TMEM266: variants seen among roughly 807,000 people sequenced by gnomAD.
The protein encoded by TMEM266 is transmembrane protein 266.
Under a neutral mutation model 50.5 loss-of-function variants are expected in TMEM266, and 33 were observed. The ratio of observed to expected loss-of-function variants is 0.65; its 90% CI spans 0.50 to 0.87. TMEM266 has a LOEUF of 0.87. Ranked by LOEUF, TMEM266 falls within the 40% of genes least tolerant of loss-of-function variation. The pLI is 0.00. For synonymous variants in TMEM266, 310 were observed against 292.3 expected (o/e 1.06, Z -0.62); for missense variants, 655 against 695.1 (o/e 0.94, Z 0.65).
chr15:76,203,752 C>T lies in TMEM266; in HGVS notation c.1033C>T (p.Pro345Ser). 6.2e-7 allele frequency: 1 copy of T among 1,612,724 alleles called. No individual in the cohort carries two copies. Among genetic ancestry groups the T allele is most frequent in the East Asian group, 2.2e-5 (1 of 44,852 alleles). The change falls in exon 11 of 11, where the codon CCA (proline) becomes TCA (serine). Residue 345 changes from proline (P) to serine (S), a missense_variant. By Grantham distance (74) the Pro-to-Ser change is moderately conservative (BLOSUM62 -1). Transcript: ENST00000388942. ...CTCCTACCTTGCAGACAGCGGTGTC[C>T]CAGAGCCAGCTGTGTGTATGGTCAC...
intron 1 of TMEM266, among the ~76,000 whole-genome samples, chr15:76,098,898 G>C (rs895169060): frequency 6.6e-5 from 10 of 152,140 alleles, no homozygotes; most frequent in Non-Finnish European, 1.3e-4. Context: ...GCCTACTCAA[G>C]CCTTAGCAAT....
chr15:76,104,146 A>G (rs529617919), intron 1 of TMEM266, among the ~76,000 whole-genome samples: 1 of 151,752 alleles, frequency 6.6e-6, no homozygotes, highest in South Asian at 2.1e-4. Context: ...GGCAGAGCTT[A>G]CAGTGAGCCG....
chr15:76,068,992 T>C (rs2141982534), intron 1 of TMEM266, among the ~76,000 whole-genome samples: 1 of 152,324 alleles, frequency 6.6e-6, no homozygotes, highest in African/African-American at 2.4e-5. Context: ...TCTCCCGTCA[T>C]ATGGTCATCT....
rs565196551 is a variant in TMEM266, at chr15:76,120,237, G to T, written c.-96-13931G>T. On this transcript the variant is annotated intron_variant, in intron 1 of 10. Transcript: ENST00000388942. ...AAAAAAAAAAATCTAAAAAGAAACC[G>T]TATCAATGGGGCAATTTTTAACTAA... Among the ~76,000 whole-genome samples, 3 of 151,152 alleles carry T rather than the reference G, an allele frequency of 2.0e-5. No individual in the cohort carries two copies. The East Asian group carries it at 5.8e-4, about 29-fold the overall frequency.
At chr15:76,078,510 A>C (rs1180743038) in intron 1 of TMEM266, among the ~76,000 whole-genome samples, 1 of 152,200 alleles carries the variant, frequency 6.6e-6, no homozygotes, top group Non-Finnish European at 1.5e-5. Flanking sequence ...TAAATTTGCC[A>C]AGCTAAAGCC....
At chr15:76,149,057 C>T (rs1596135384) in intron 3 of TMEM266, among the ~76,000 whole-genome samples, 1 of 152,142 alleles carries the variant, frequency 6.6e-6, no homozygotes, top group East Asian at 1.9e-4. Context: ...CTGTGGCTTG[C>T]CCCCTGGAAT....
At chr15:76,137,686 T>G in intron 2 of TMEM266, 21 bp from the exon 3 acceptor site, 1 of 1,611,878 alleles carries the variant, frequency 6.2e-7, no homozygotes, top group Non-Finnish European at 8.5e-7. Context: ...TCTTTCCCAT[T>G]GTTCCTCCTC....
intron 6 of TMEM266, among the ~76,000 whole-genome samples, chr15:76,170,389 T>C (rs776682525): frequency 6.6e-6 from 1 of 152,202 alleles, no homozygotes; most frequent in African/African-American, 2.4e-5. Context: ...TCAGCCTCTT[T>C]GGCTCAGTGC....
At chr15:76,182,977 C>A (rs578017504) in intron 8 of TMEM266, among the ~76,000 whole-genome samples, 2 of 152,170 alleles carry the variant, frequency 1.3e-5, no homozygotes, top group Admixed American at 1.3e-4. Flanking sequence ...AAATCTGAGT[C>A]CTGACACAGG....
At chr15:76,112,854 A>C (rs2037192584) in intron 1 of TMEM266, 1 of 152,170 alleles carries the variant, frequency 6.6e-6, no homozygotes. Context: ...AACCACTATA[A>C]CACAAGGTAA....
At chr15:76,158,027 T>TAAATAAATAAATAAAA (rs1181164831) in intron 4 of TMEM266, among the ~76,000 whole-genome samples, 1 of 151,900 alleles carries the variant, frequency 6.6e-6, no homozygotes. Flanking sequence ...AATAAATAAA[T>TAAATAAATAAATAAAA]AGAGGTACAA....
At chr15:76,157,129 C>A (rs566011962) in intron 4 of TMEM266, among the ~76,000 whole-genome samples, 1 of 152,036 alleles carries the variant, frequency 6.6e-6, no homozygotes, top group South Asian at 2.1e-4. Flanking sequence ...AGAGAGTTCC[C>A]ATTTACGGAG....
chr15:76,141,149 A>G (rs918466982), intron 3 of TMEM266, among the ~76,000 whole-genome samples: 2 of 151,388 alleles, frequency 1.3e-5, no homozygotes, highest in Non-Finnish European at 2.9e-5. Context: ...CCTTTCTAAC[A>G]TCGTGGCTGT....
chr15:76,084,974 A>G (rs923281987), intron 1 of TMEM266, among the ~76,000 whole-genome samples: 1 of 93,688 alleles, frequency 1.1e-5, no homozygotes, highest in Non-Finnish European at 2.3e-5. Flanking sequence ...TTTTTTTTTT[A>G]TTGAGACAAG....
intron 1 of TMEM266, among the ~76,000 whole-genome samples, chr15:76,100,745 G>A (rs1357225509): frequency 4.6e-5 from 7 of 152,216 alleles, no homozygotes; most frequent in African/African-American, 1.7e-4. Flanking sequence ...AAAGAAAGAA[G>A]TGTAGAGTGG....
chr15:76,093,086 G>T (rs7181479), intron 1 of TMEM266, among the ~76,000 whole-genome samples: 1 of 151,362 alleles, frequency 6.6e-6, no homozygotes, highest in Admixed American at 6.6e-5. Flanking sequence ...GATTACAGGC[G>T]TAAACCACCG....
chr15:76,138,534 G>T (rs1448274098), intron 3 of TMEM266, among the ~76,000 whole-genome samples: 1 of 152,188 alleles, frequency 6.6e-6, no homozygotes, highest in East Asian at 1.9e-4. Context: ...CTTGCCCAAG[G>T]TCACAGAGCC....
chr15:76,130,001 A>G (rs1256160756), intron 1 of TMEM266, among the ~76,000 whole-genome samples: 1 of 150,382 alleles, frequency 6.6e-6, no homozygotes, highest in Non-Finnish European at 1.5e-5. Flanking sequence ...AGGCGGGAAG[A>G]TTGCTTGAGC....
intron 1 of TMEM266, among the ~76,000 whole-genome samples, chr15:76,111,440 T>A (rs539395348): frequency 2.2e-4 from 33 of 151,964 alleles, no homozygotes; most frequent in Non-Finnish European, 3.7e-4. Flanking sequence ...CCCGCTTATC[T>A]TTGCTTGCCT....
Sources: gnomAD v4.1 joint callset for allele counts (sites outside exome capture counted in the v4.1 genomes callset) on GRCh38, gnomAD v4.1.1 for gene constraint, MANE v1.5 for transcripts, NCBI Gene and HGNC (gene_info 2026-07-23, HGNC 2026-07-21) for gene names.